The following SERGEF variants were observed in gnomAD, a reference collection of about 807,000 sequenced individuals.
SERGEF encodes the protein secretion regulating guanine nucleotide exchange factor.
A neutral mutation model predicts 50.0 loss-of-function variants in SERGEF; 51 were observed. The ratio of observed to expected loss-of-function variants is 1.02; its 90% CI spans 0.81 to 1.29. The LOEUF (loss-of-function observed/expected upper bound fraction) is 1.29, where lower values mean the gene tolerates loss of function less well. Ranked by LOEUF, SERGEF falls within the 50% of genes most tolerant of loss-of-function variation. SERGEF has a pLI of 0.00. For synonymous variants in SERGEF, 205 were observed against 212.4 expected, an observed-to-expected ratio of 0.97 and a Z score of 0.30; for missense variants, 521 against 557.0, an observed-to-expected ratio of 0.94 and a Z score of 0.65.
At chr11:17,980,286 C>T (rs951872124) in intron 8 of SERGEF, among the ~76,000 whole-genome samples, 1 of 152,208 alleles carries the variant, frequency 6.6e-6, no homozygotes, top group Non-Finnish European at 1.5e-5. Context: ...AAAGCTGACT[C>T]ATGACCGAGC....
rs549626386 is a variant in SERGEF at position 17,993,809 on chromosome 11, A to G, written c.623-816T>C. ...CCCCTAATGGCCAGGTGAGGAGGGA[A>G]CAGCCCGGGTTCCAGCTCCAGAACT... On this transcript the variant is annotated intron_variant, in intron 6 of 10. Coordinates refer to ENST00000265965, the MANE Select transcript of SERGEF (RefSeq NM_012139.4). Among the ~76,000 whole-genome samples the G allele has an allele frequency of 1.6e-3, 236 of 152,188 alleles. 2 individuals carry two copies. In the Middle Eastern group the frequency reaches 0.02, roughly 13 times the overall value.
intron 8 of SERGEF, among the ~76,000 whole-genome samples, chr11:17,961,989 G>A (rs550632368): frequency 6.6e-6 from 1 of 152,272 alleles, no homozygotes; most frequent in African/African-American, 2.4e-5. Flanking sequence ...AGAGTATTAA[G>A]CTTATTTTAC....
chr11:17,830,244 C>T (rs2133852428), intron 10 of SERGEF, among the ~76,000 whole-genome samples: 1 of 152,354 alleles, frequency 6.6e-6, no homozygotes, highest in Admixed American at 6.5e-5. Context: ...ACATATTAGG[C>T]ACTCAGTGAA....
chr11:17,954,928 A>G (rs1333651859), intron 9 of SERGEF, among the ~76,000 whole-genome samples: 3 of 152,172 alleles, frequency 2.0e-5, no homozygotes, highest in African/African-American at 7.2e-5. Flanking sequence ...AACCATGCCT[A>G]TTCTGGCCTA....
chr11:17,925,187 C>T (rs753162186), intron 9 of SERGEF, among the ~76,000 whole-genome samples: 2 of 151,318 alleles, frequency 1.3e-5, no homozygotes, highest in Non-Finnish European at 2.9e-5. Flanking sequence ...GACTAGGCCA[C>T]TGGGCACCAC....
chr11:17,991,456 A>G lies in SERGEF; in HGVS notation c.685+1475T>C, dbSNP rs1853709724. Among the ~76,000 whole-genome samples the G allele has an allele frequency of 6.6e-6, 1 of 152,166 alleles. No individual in the cohort carries two copies. ...TCGTAGTCTACTTTTATTCTCAGAA[A>G]AGAATGCCTTCTCCATCCCTCATTG... On this transcript the variant is annotated intron_variant, in intron 7 of 10. Transcript: ENST00000265965. The surrounding 1 kb of genome is among the most constrained non-coding windows in gnomAD (Gnocchi z 4.9).
At chr11:17,937,045 T>C (rs539262815) in intron 9 of SERGEF, among the ~76,000 whole-genome samples, 58 of 152,226 alleles carry the variant, frequency 3.8e-4, no homozygotes, top group African/African-American at 1.3e-3. Context: ...TTTCCAAAAA[T>C]AATCACATAA....
At chr11:17,849,906 C>T (rs1850680906) in intron 10 of SERGEF, among the ~76,000 whole-genome samples, 1 of 152,144 alleles carries the variant, frequency 6.6e-6, no homozygotes, top group Non-Finnish European at 1.5e-5. Flanking sequence ...CATTTCAGTT[C>T]TATCTCTGTT....
chr11:17,846,100 C>A (rs1025335458), intron 10 of SERGEF, among the ~76,000 whole-genome samples: 1 of 152,212 alleles, frequency 6.6e-6, no homozygotes, highest in African/African-American at 2.4e-5. Context: ...AGGGATGGTG[C>A]TCTCTAGCTG....
chr11:17,914,889 C>G (rs12420936), intron 9 of SERGEF, among the ~76,000 whole-genome samples: 50,023 of 151,888 alleles, frequency 0.33, 9,193 homozygotes, highest in East Asian at 0.5. Context: ...AATTCTGATG[C>G]GGAAACAGAT....
At chr11:17,988,512 G>C (rs1381614404) in intron 8 of SERGEF, 85 bp downstream of exon 8, 1 of 1,346,816 alleles carries the variant, frequency 7.4e-7, no homozygotes, top group African/African-American at 1.5e-5. Flanking sequence ...TCAGTAAAAA[G>C]GCTTAACCCC....
intron 8 of SERGEF, among the ~76,000 whole-genome samples, chr11:17,966,107 T>C (rs923773750): frequency 3.2e-4 from 48 of 152,104 alleles, no homozygotes; most frequent in African/African-American, 1.2e-3. Context: ...ATGCCTCTAA[T>C]GATAATCAAA....
intron 3 of SERGEF, among the ~76,000 whole-genome samples, chr11:18,005,645 C>G (rs181131210): frequency 6.6e-6 from 1 of 152,240 alleles, no homozygotes; most frequent in African/African-American, 2.4e-5. Flanking sequence ...ACAGATGGTC[C>G]TTTAAATCCA....
At chr11:17,897,731 T>C (rs934031867) in intron 9 of SERGEF, among the ~76,000 whole-genome samples, 2 of 152,218 alleles carry the variant, frequency 1.3e-5, no homozygotes, top group African/African-American at 4.8e-5. Context: ...ATCTAATGTA[T>C]AGCAATAGAA....
intron 10 of SERGEF, among the ~76,000 whole-genome samples, chr11:17,830,905 T>C (rs7929668): frequency 0.52 from 78,387 of 152,000 alleles, 20,942 homozygotes; most frequent in East Asian, 0.84. Flanking sequence ...GACCATTTAC[T>C]GGTTTTCAGT....
rs774211596 is a variant in SERGEF, at chr11:17,959,638, T to A, written c.845-2A>T. On this transcript the variant is annotated splice_acceptor_variant, in intron 8 of 10. Coordinates refer to ENST00000265965, the MANE Select transcript of SERGEF (RefSeq NM_012139.4). LOFTEE classifies it high-confidence loss of function. ...CCCAGGTAAACATCTTGCCAGTTTC[T>A]AAAAACAAATATTATTTGAATTAAG... is the stretch of plus-strand genomic sequence containing the variant. The A allele has an allele frequency of 6.2e-7, 1 of 1,608,328 alleles. No homozygotes were observed. The highest frequency in any genetic ancestry group is 8.5e-7 in the Non-Finnish European group (1 of 1,177,664).
In SERGEF at chr11:17,995,838, G is replaced by A; in HGVS notation, c.580C>T (p.Leu194Phe). The A allele has an allele frequency of 6.2e-7, 1 of 1,614,030 alleles. No homozygotes were observed. Among genetic ancestry groups the A allele is most frequent in the Non-Finnish European group, 8.5e-7 (1 of 1,179,936 alleles). The change falls in exon 6 of 11, where the codon CTT becomes TTT. Residue 194 changes from leucine to phenylalanine, a missense_variant. Coordinates refer to ENST00000265965, the MANE Select transcript of SERGEF (RefSeq NM_012139.4). Reference protein sequence around the residue: ...CGRRLCPGQTLPLFFTAKEPS... With the variant: ...CGRRLCPGQTFPLFFTAKEPS... ...TCCTTTGCTGTGAAAAACAATGGAAGAGTCTGCCCAGGGCACAACCGTCGT... is the reference window on the plus strand; with the variant it reads ...TCCTTTGCTGTGAAAAACAATGGAAAAGTCTGCCCAGGGCACAACCGTCGT...
chr11:17,892,252 T>C (rs149537533), intron 9 of SERGEF, among the ~76,000 whole-genome samples: 61 of 152,366 alleles, frequency 4.0e-4, no homozygotes, highest in Middle Eastern at 3.4e-3. Flanking sequence ...TACCAGCCCG[T>C]CATCCTTTGG....
At chr11:18,010,494 C>T (rs12273117) in intron 1 of SERGEF, among the ~76,000 whole-genome samples, 3,163 of 152,242 alleles carry the variant, frequency 0.021, 123 homozygotes, top group African/African-American at 0.073. Flanking sequence ...TGATGCCCTG[C>T]ACCTTTTACT....
Sources: allele counts gnomAD v4.1 joint callset (sites outside exome capture counted in the v4.1 genomes callset), GRCh38; gene constraint gnomAD v4.1.1; non-coding constraint Gnocchi (gnomAD v3.1); transcripts MANE v1.5; gene names NCBI Gene and HGNC (gene_info 2026-07-23, HGNC 2026-07-21).